Variants in GRAMD2B observed in about 807,000 individuals in gnomAD.
GRAMD2B encodes GRAM domain containing 2B.
GRAMD2B carries 41 observed loss-of-function variants against 59.2 expected under a neutral mutation model. The observed-to-expected ratio is 0.69, with a 90% CI of 0.54 to 0.90. The LOEUF (loss-of-function observed/expected upper bound fraction) is 0.90. Ranked by LOEUF, GRAMD2B falls within the 40% of genes least tolerant of loss-of-function variation. GRAMD2B has a pLI of 0.00. For synonymous variants in GRAMD2B, 161 were observed against 182.7 expected, an observed-to-expected ratio of 0.88 and a Z score of 0.96; for missense variants, 424 against 500.5, an observed-to-expected ratio of 0.85 and a Z score of 1.46.
chr5:126,417,307 G>T (rs1266560304), intron 1 of GRAMD2B, among the ~76,000 whole-genome samples: 1 of 152,160 alleles, frequency 6.6e-6, no homozygotes, highest in African/African-American at 2.4e-5. Flanking sequence ...TAGGACACAT[G>T]GTCTGGAGGA....
chr5:126,459,360 T>G (rs1248041159), intron 1 of GRAMD2B, among the ~76,000 whole-genome samples: 1 of 152,198 alleles, frequency 6.6e-6, no homozygotes, highest in Non-Finnish European at 1.5e-5. Context: ...CCTCCCACAT[T>G]AGCCTCCAGA....
At chr5:126,428,513 A>G (rs1366993625) in intron 1 of GRAMD2B, among the ~76,000 whole-genome samples, 6 of 152,234 alleles carry the variant, frequency 3.9e-5, no homozygotes, top group Non-Finnish European at 5.9e-5. Flanking sequence ...CTGGAGGTTA[A>G]TATCTCAGAA....
intron 3 of GRAMD2B, among the ~76,000 whole-genome samples, 185 bp downstream of exon 3, chr5:126,469,973 C>T (rs1017334882): frequency 2.0e-5 from 3 of 152,148 alleles, no homozygotes; most frequent in Non-Finnish European, 2.9e-5. Context: ...CGTTATATTC[C>T]ACAACTCATT....
intron 1 of GRAMD2B, among the ~76,000 whole-genome samples, chr5:126,442,364 C>T (rs1448111727): frequency 6.7e-6 from 1 of 149,964 alleles, no homozygotes; most frequent in Non-Finnish European, 1.5e-5. Context: ...GATGTGGGCT[C>T]ACTGCAACCT....
chr5:126,442,288 T>C (rs1463716130), intron 1 of GRAMD2B, among the ~76,000 whole-genome samples: 1 of 141,130 alleles, frequency 7.1e-6, no homozygotes, highest in African/African-American at 3.1e-5. Flanking sequence ...TCTTTTCTTT[T>C]TTTTCTTTTT....
At chr5:126,469,595 G>A (rs780027051) in intron 2 of GRAMD2B, 82 bp from the exon 3 acceptor site, 72 of 872,924 alleles carry the variant, frequency 8.2e-5, no homozygotes, top group Non-Finnish European at 1.3e-4. Context: ...TGATCATGCT[G>A]CTGCACTTCA....
chr5:126,451,353 G>A (rs1209532684), intron 1 of GRAMD2B, among the ~76,000 whole-genome samples: 1 of 152,200 alleles, frequency 6.6e-6, no homozygotes. Flanking sequence ...AGTTCTGCAG[G>A]CTATACAGGA....
At chr5:126,404,295 C>G (rs1190522971) in intron 1 of GRAMD2B, among the ~76,000 whole-genome samples, 3 of 151,566 alleles carry the variant, frequency 2.0e-5, no homozygotes, top group African/African-American at 7.3e-5. Flanking sequence ...TTTGTGGTAG[C>G]TAGTAGAGGG....
intron 11 of GRAMD2B, 50 bp downstream of exon 11, chr5:126,485,823 T>G (rs1188363976): frequency 1.3e-5 from 14 of 1,118,122 alleles, no homozygotes; most frequent in Non-Finnish European, 1.9e-5. Flanking sequence ...TTCCATTCGC[T>G]AAAGGAATAA....
At chr5:126,455,193 C>T (rs966726997) in intron 1 of GRAMD2B, among the ~76,000 whole-genome samples, 1 of 152,182 alleles carries the variant, frequency 6.6e-6, no homozygotes, top group Non-Finnish European at 1.5e-5. Flanking sequence ...CTCCAGCTTC[C>T]ACCCTCCCTT....
intron 1 of GRAMD2B, among the ~76,000 whole-genome samples, chr5:126,375,704 G>A (rs1755127054): frequency 6.6e-6 from 1 of 152,072 alleles, no homozygotes; most frequent in South Asian, 2.1e-4. Flanking sequence ...TATTACACAA[G>A]CAAGGAACAC....
intron 1 of GRAMD2B, among the ~76,000 whole-genome samples, chr5:126,363,962 T>G (rs1033808523): frequency 6.6e-6 from 1 of 152,218 alleles, no homozygotes; most frequent in African/African-American, 2.4e-5. Context: ...TTCGAACAAG[T>G]GAACTTTGTA....
chr5:126,395,007 ACTCAAAACCATT>A (rs1218565804), intron 1 of GRAMD2B, among the ~76,000 whole-genome samples: 1 of 152,146 alleles, frequency 6.6e-6, no homozygotes, highest in African/African-American at 2.4e-5. Flanking sequence ...AATGAAGAAG[ACTCAAAACCATT>A]CTCTTAAAGT....
intron 1 of GRAMD2B, among the ~76,000 whole-genome samples, chr5:126,415,803 A>C (rs983295665): frequency 1.3e-5 from 2 of 152,184 alleles, no homozygotes; most frequent in Non-Finnish European, 2.9e-5. Context: ...ATGCTGTAAT[A>C]ATAGAAGTTG....
At chr5:126,360,649 T>C (rs1580654957) in intron 1 of GRAMD2B, among the ~76,000 whole-genome samples, 1 of 152,202 alleles carries the variant, frequency 6.6e-6, no homozygotes, top group East Asian at 1.9e-4. Flanking sequence ...TCCCACATAC[T>C]GTAATGTCCT....
intron 3 of GRAMD2B, among the ~76,000 whole-genome samples, chr5:126,470,819 A>G (rs1373443401): frequency 6.6e-6 from 1 of 152,174 alleles, no homozygotes; most frequent in Non-Finnish European, 1.5e-5. Flanking sequence ...TCTGCATCCC[A>G]AAAATGCTGT....
At chr5:126,420,069 A>AAG (rs1485958480), upstream of GRAMD2B, among the ~76,000 whole-genome samples, 14 of 150,860 alleles carry the variant, frequency 9.3e-5, no homozygotes, top group African/African-American at 3.4e-4. Flanking sequence ...AAAAAAAAAA[A>AAG]AAAAGAAAGA....
intron 1 of GRAMD2B, among the ~76,000 whole-genome samples, chr5:126,394,068 A>T (rs945904361): frequency 6.6e-6 from 1 of 152,034 alleles, no homozygotes; most frequent in African/African-American, 2.4e-5. Flanking sequence ...AGGTGAGGAG[A>T]TCGAGACCAT....
At chr5:126,414,082 G>A (rs979186308) in intron 1 of GRAMD2B, among the ~76,000 whole-genome samples, 4 of 152,114 alleles carry the variant, frequency 2.6e-5, no homozygotes, top group South Asian at 2.1e-4. Flanking sequence ...AAATACCATC[G>A]ACAATCCCTT....
Sources: gnomAD v4.1 joint callset for allele counts (sites outside exome capture counted in the v4.1 genomes callset) on GRCh38, gnomAD v4.1.1 for gene constraint, MANE v1.5 for transcripts, NCBI Gene and HGNC (gene_info 2026-07-23, HGNC 2026-07-21) for gene names.